The following SLC13A4 variants were observed in gnomAD, a reference collection of about 807,000 sequenced individuals.
The protein encoded by SLC13A4 is Na(+)/sulfate cotransporter SUT-1.
SLC13A4 carries 28 observed loss-of-function variants against 72.7 expected under a neutral mutation model. The ratio of observed to expected loss-of-function variants is 0.39; its 90% CI spans 0.29 to 0.53. The LOEUF is 0.53. SLC13A4 is among the 20% of genes least tolerant of loss of function. The probability of loss-of-function intolerance (pLI) is 0.78; values close to 1 mark genes in which losing one functional copy is unlikely to be tolerated. For synonymous variants in SLC13A4, 312 were observed against 325.5 expected (o/e 0.96, Z 0.45); for missense variants, 653 against 788.0 (o/e 0.83, Z 2.05).
At chr7:135,690,016 C>T (rs559551719) in intron 13 of SLC13A4, among the ~76,000 whole-genome samples, 4 of 151,864 alleles carry the variant, frequency 2.6e-5, no homozygotes, top group African/African-American at 9.7e-5. Context: ...TCCATCTCTA[C>T]TAAAAATACA....
At chr7:135,684,357 C>A (rs184390102) in intron 14 of SLC13A4, 96 bp from the exon 15 acceptor site, 38 of 1,440,628 alleles carry the variant, frequency 2.6e-5, no homozygotes, top group Middle Eastern at 3.6e-4. Flanking sequence ...TTGGTGCTGG[C>A]TAACCTTAGC....
intron 3 of SLC13A4, 25 bp from the exon 4 acceptor site, chr7:135,706,325 A>G: frequency 6.3e-7 from 1 of 1,582,764 alleles, no homozygotes. Flanking sequence ...GGGTTGGGGC[A>G]GAGCGTCCAC....
intron 8 of SLC13A4, among the ~76,000 whole-genome samples, chr7:135,698,532 A>G (rs1220396141): frequency 6.9e-6 from 1 of 145,438 alleles, no homozygotes; most frequent in Non-Finnish European, 1.5e-5. Context: ...ATGGGGTTTC[A>G]CCATGTTGGC....
chr7:135,706,946 G>C (rs1796178259), intron 3 of SLC13A4, among the ~76,000 whole-genome samples: 1 of 152,190 alleles, frequency 6.6e-6, no homozygotes, highest in Admixed American at 6.5e-5. Flanking sequence ...CTTTGGCTTT[G>C]AGAACGTTGT....
intron 3 of SLC13A4, 136 bp downstream of exon 3, chr7:135,707,978 G>T: frequency 9.5e-7 from 1 of 1,056,764 alleles, no homozygotes; most frequent in Non-Finnish European, 1.4e-6. Context: ...GGGTCCTATG[G>T]CTCTGGTGTC....
chr7:135,696,195 G>A (rs575110015), intron 8 of SLC13A4, among the ~76,000 whole-genome samples: 3 of 152,138 alleles, frequency 2.0e-5, no homozygotes, highest in Non-Finnish European at 2.9e-5. Context: ...GGGGCTGGGC[G>A]TAAAACTCCT....
intron 2 of SLC13A4, among the ~76,000 whole-genome samples, chr7:135,716,183 A>T (rs1431187767): frequency 6.8e-6 from 1 of 147,400 alleles, no homozygotes; most frequent in African/African-American, 2.5e-5. Flanking sequence ...TGTCCCCTTA[A>T]GTCTTCTCTT....
At chr7:135,711,648 C>CCA (rs1796303934) in intron 2 of SLC13A4, among the ~76,000 whole-genome samples, 1 of 152,170 alleles carries the variant, frequency 6.6e-6, no homozygotes. Flanking sequence ...TCCTAGACAG[C>CCA]CTGCCACACG....
At position 135,727,417 on chromosome 7, in the gene SLC13A4, G is replaced by A; in HGVS notation, c.80C>T (p.Pro27Leu). ...ACTCACGCTGCTGGGGTGGAGGACG[G>A]GCAGAGGCAGCAGCAGGAGCGGGAC... ...VCVPLLLLPL[P>L]VLHPSSEASC... Residue 27 changes from proline (P) to leucine (L), a missense_variant, in exon 1 of 16, where the codon CCC becomes CTC. By Grantham distance (98) the Pro-to-Leu change is moderately conservative. Transcript: ENST00000682651. 1.3e-6 allele frequency: 2 copies of A among 1,549,696 alleles called. No individual in the cohort carries two copies. Among genetic ancestry groups the A allele is most frequent in the Non-Finnish European group, 1.7e-6 (2 of 1,146,900 alleles).
At position 135,718,087 on chromosome 7, in the gene SLC13A4, A is replaced by ACACACG. The variant is rs1381595788; in HGVS notation, c.228+3307_228+3308insCGTGTG. Among the ~76,000 whole-genome samples, 26 of 83,408 alleles carry ACACACG rather than the reference A, an allele frequency of 3.1e-4. No homozygotes were observed. The South Asian group carries it at 0.011, about 35-fold the overall frequency. The allele number at this position is 83,408 out of a possible 152,430, so 54.7% of individuals were successfully genotyped here. On this transcript the variant is annotated intron_variant, in intron 2 of 15. Coordinates refer to ENST00000682651, the MANE Select transcript of SLC13A4 (RefSeq NM_001318192.2). ...CCAATTCCTACACACACACACACAC[A>ACACACG]CGCGCGCGCGCGCACGCGTGCGCGC... is the stretch of plus-strand genomic sequence containing the variant.
At chr7:135,714,570 G>A (rs1297915174) in intron 2 of SLC13A4, among the ~76,000 whole-genome samples, 3 of 152,358 alleles carry the variant, frequency 2.0e-5, no homozygotes, top group African/African-American at 7.2e-5. Context: ...GGCAGCCTGG[G>A]GTTCAGGCAG....
At chr7:135,684,361 C>T in intron 14 of SLC13A4, 100 bp from the exon 15 acceptor site, 1 of 1,413,282 alleles carries the variant, frequency 7.1e-7, no homozygotes, top group Non-Finnish European at 9.6e-7. Flanking sequence ...TGCTGGCTAA[C>T]CTTAGCAGGA....
intron 15 of SLC13A4, chr7:135,683,527 G>A: frequency 1.0e-6 from 1 of 985,120 alleles, no homozygotes; most frequent in Non-Finnish European, 1.2e-6. Context: ...AGGTGTATAG[G>A]TAGAGGAGTA....
chr7:135,709,429 A>T (rs60555236), intron 2 of SLC13A4, among the ~76,000 whole-genome samples: 1,974 of 90,578 alleles, frequency 0.022, 50 homozygotes, highest in African/African-American at 0.087. Context: ...TTTTTTTAAA[A>T]AAAAATTTGA....
rs1325871623 is a variant in SLC13A4, at chr7:135,706,139, G to T, written c.527C>A (p.Ala176Asp). 1.2e-6 allele frequency: 2 copies of T among 1,602,504 alleles called. No homozygotes were observed. Among genetic ancestry groups the T allele is most frequent in the South Asian group, 2.2e-5 (2 of 90,150 alleles). Residue 176 changes from alanine (A) to aspartate (D), a missense_variant, in exon 4 of 16, where the codon GCC becomes GAC. Ala to Asp is a moderately radical substitution (Grantham distance 126). Transcript: ENST00000682651. Reference protein sequence around the residue: ...LVAGNSNTEEAEPISLDVKNS... With the variant: ...LVAGNSNTEEDEPISLDVKNS... ...CCAGCAAACTGTACTGATGGGTTCG[G>T]CCTCTTCGGTGTTGGAGTTGCCCGC...
At chr7:135,722,273 C>A (rs1244859945) in intron 1 of SLC13A4, among the ~76,000 whole-genome samples, 2 of 151,196 alleles carry the variant, frequency 1.3e-5, no homozygotes, top group African/African-American at 2.4e-5. Flanking sequence ...AGCAAACAAA[C>A]AAAAAAAACA....
intron 15 of SLC13A4, among the ~76,000 whole-genome samples, chr7:135,682,647 G>C (rs965090666): frequency 1.3e-5 from 2 of 152,222 alleles, no homozygotes; most frequent in African/African-American, 4.8e-5. Context: ...AAATTAAGGA[G>C]TGTTAGAGTT....
rs1418783727 is a variant in SLC13A4 at position 135,727,750 on chromosome 7, GGAT to G, written c.-257_-255del. ...TGACCAGCAAAAAGGAACTGGGAAA[GGAT>G]GATAAACGGGGGCATAGTGGGCCTC... On this transcript the variant is annotated 5_prime_UTR_variant, in exon 1 of 16. Transcript: ENST00000682651. The G allele has an allele frequency of 2.2e-6, 1 of 451,490 alleles. No individual in the cohort carries two copies. The highest frequency in any genetic ancestry group is 3.9e-6 in the Non-Finnish European group (1 of 255,014). 28.0% of individuals were successfully genotyped at this position (451,490 alleles called of 1,614,324 possible). A position where few individuals can be genotyped will look rare whatever the true frequency, so the allele number is the denominator to read the frequency against.
intron 1 of SLC13A4, among the ~76,000 whole-genome samples, chr7:135,723,527 G>A (rs1230206814): frequency 6.6e-6 from 1 of 152,148 alleles, no homozygotes; most frequent in Non-Finnish European, 1.5e-5. Context: ...ATCCAAGTTG[G>A]CTGTGGGATC....
Sources: gnomAD v4.1 joint callset for allele counts (sites outside exome capture counted in the v4.1 genomes callset) on GRCh38, gnomAD v4.1.1 for gene constraint, MANE v1.5 for transcripts, NCBI Gene and HGNC (gene_info 2026-07-23, HGNC 2026-07-21) for gene names.